Variants in NCOR1 observed in about 807,000 individuals in gnomAD.
NCOR1 encodes protein phosphatase 1, regulatory subunit 109.
A neutral mutation model predicts 288.1 loss-of-function variants in NCOR1; 63 were observed. That is an observed-to-expected ratio of 0.22 (90% CI 0.18 to 0.27). The LOEUF (loss-of-function observed/expected upper bound fraction) is 0.27. Ranked by LOEUF, NCOR1 falls within the 10% of genes least tolerant of loss-of-function variation. NCOR1 has a pLI of 1.00. For synonymous variants in NCOR1, 1,007 were observed against 1,065.9 expected (o/e 0.94, Z 1.08); for missense variants, 2,397 against 3,019.2 (o/e 0.79, Z 4.83).
intron 6 of NCOR1, among the ~76,000 whole-genome samples, chr17:16,156,627 C>CA (rs1293616256): frequency 6.6e-6 from 1 of 151,920 alleles, no homozygotes; most frequent in Non-Finnish European, 1.5e-5. Flanking sequence ...TGTAGGAAGG[C>CA]AAGTTTAACA....
chr17:16,039,404 G>A (rs1006978097), intron 44 of NCOR1, 29 bp downstream of exon 44: 3 of 1,599,504 alleles, frequency 1.9e-6, no homozygotes, highest in Non-Finnish European at 2.6e-6. Flanking sequence ...GGGAAAAGCA[G>A]CAGAAAAGCA....
intron 3 of NCOR1, among the ~76,000 whole-genome samples, chr17:16,185,178 A>G (rs1166248647): frequency 6.6e-6 from 1 of 152,178 alleles, no homozygotes; most frequent in African/African-American, 2.4e-5. Context: ...CATGAGGACT[A>G]CAGATAATAA....
intron 3 of NCOR1, among the ~76,000 whole-genome samples, chr17:16,182,904 T>C (rs1600115061): frequency 6.6e-6 from 1 of 151,458 alleles, no homozygotes; most frequent in Non-Finnish European, 1.5e-5. Flanking sequence ...TTCCTACTGG[T>C]AAAAAGAAGA....
At chr17:16,202,223 CAAA>C (rs35812448) in intron 1 of NCOR1, among the ~76,000 whole-genome samples, 1 of 97,414 alleles carries the variant, frequency 1.0e-5, no homozygotes, top group African/African-American at 4.3e-5. Context: ...GACTCCATCT[CAAA>C]AAAAAAAAAA....
intron 10 of NCOR1, among the ~76,000 whole-genome samples, chr17:16,145,247 T>G (rs1267618207): frequency 6.6e-6 from 1 of 152,214 alleles, no homozygotes; most frequent in Non-Finnish European, 1.5e-5. Flanking sequence ...CTAGGCTTGC[T>G]ACAACCTCCA....
intron 2 of NCOR1, among the ~76,000 whole-genome samples, chr17:16,193,218 C>T (rs912529609): frequency 1.3e-4 from 20 of 152,106 alleles, no homozygotes; most frequent in African/African-American, 4.6e-4. Flanking sequence ...TATATATAAA[C>T]TAAACTGCAA....
Position 16,029,439 on chromosome 17 carries a change from T to C in NCOR1, c.*2857A>G. 1 of 284,912 alleles carries C rather than the reference T, an allele frequency of 3.5e-6. No individual in the cohort carries two copies. The highest frequency in any genetic ancestry group is 7.0e-6 in the Non-Finnish European group (1 of 143,720). 17.6% of individuals were successfully genotyped at this position (284,912 alleles called of 1,614,324 possible). A position where few individuals can be genotyped will look rare whatever the true frequency, so the allele number is the denominator to read the frequency against. Reference sequence around the variant, plus strand: ...CTGGAGTTTTCTGGGCATAAATATTTTTAAAATAGAATCACTCAGTGTACC... The same window carrying C: ...CTGGAGTTTTCTGGGCATAAATATTCTTAAAATAGAATCACTCAGTGTACC... On this transcript the variant is annotated 3_prime_UTR_variant, in exon 46 of 46. Transcript: ENST00000268712.
chr17:16,167,313 C>T (rs1346254335), intron 4 of NCOR1, among the ~76,000 whole-genome samples: 1 of 151,874 alleles, frequency 6.6e-6, no homozygotes, highest in East Asian at 1.9e-4. Flanking sequence ...ATGAACCTTA[C>T]AATCTTGGCT....
chr17:16,070,277 G>C lies in NCOR1; in HGVS notation c.4401C>G (p.Pro1467=). 6.2e-7 allele frequency: 1 copy of C among 1,614,102 alleles called. No individual in the cohort carries two copies. Among genetic ancestry groups the C allele is most frequent in the East Asian group, 2.2e-5 (1 of 44,874 alleles). ...AAATCCCAGGGCTCAGTTGTGCTTT[G>C]GGAGCTTCATGCAGTGTGGACCTAA... ...SVLRSTLHEA[P]KAQLSPGIYD... The change falls in exon 31 of 46, where the codon CCC becomes CCG. Residue 1467 remains proline, a synonymous_variant. Transcript: ENST00000268712.
chr17:16,158,737 T>G (rs1169879347), intron 6 of NCOR1, 23 bp downstream of exon 6: 1 of 1,513,620 alleles, frequency 6.6e-7, no homozygotes, highest in South Asian at 1.1e-5. Context: ...AGGCCTGTGC[T>G]GCCAGAGATG....
intron 18 of NCOR1, among the ~76,000 whole-genome samples, chr17:16,112,124 G>A (rs182668936): frequency 7.2e-5 from 11 of 152,128 alleles, no homozygotes; most frequent in East Asian, 1.9e-4. Flanking sequence ...CCACCTTGAC[G>A]TCCCAAAGTG....
chr17:16,043,485 A>G (rs1432488585), intron 42 of NCOR1, among the ~76,000 whole-genome samples: 1 of 152,250 alleles, frequency 6.6e-6, no homozygotes, highest in East Asian at 1.9e-4. Flanking sequence ...AAAGTTAGGT[A>G]CTTGTTTCAT....
intron 44 of NCOR1, among the ~76,000 whole-genome samples, chr17:16,037,555 A>G (rs2056672943): frequency 6.6e-6 from 1 of 152,242 alleles, no homozygotes; most frequent in African/African-American, 2.4e-5. Context: ...CTGGGACATC[A>G]AGCCTTCTTT....
At chr17:16,122,504 T>C (rs778595224) in intron 15 of NCOR1, 1 of 152,234 alleles carries the variant, frequency 6.6e-6, no homozygotes, top group African/African-American at 2.4e-5. Flanking sequence ...CCCGCAAGTC[T>C]TTCTGTTACA....
chr17:16,175,563 G>C (rs1030088271), intron 3 of NCOR1, among the ~76,000 whole-genome samples: 1 of 152,214 alleles, frequency 6.6e-6, no homozygotes, highest in South Asian at 2.1e-4. Context: ...TGCTAAAAGA[G>C]AATATTCCAT....
rs2076243561 is a variant in NCOR1, at chr17:16,135,322, G to A, written c.1509+1989C>T. 3.3e-5 allele frequency among the ~76,000 whole-genome samples: 5 copies of A among 152,134 alleles called. 1 individual carries two copies. In the South Asian group the frequency reaches 1.0e-3, roughly 32 times the overall value. The stretch of plus-strand genomic sequence containing the variant: ...ATATTCTTCTCTCTGGTGGAATAGT[G>A]CTTCCTATTTCACTGTCAACACTCA... On this transcript the variant is annotated intron_variant, in intron 14 of 45. Coordinates refer to ENST00000268712, the MANE Select transcript of NCOR1 (RefSeq NM_006311.4).
chr17:16,087,325 G>A (rs1457061908), intron 22 of NCOR1: 2 of 1,303,880 alleles, frequency 1.5e-6, no homozygotes, highest in South Asian at 1.2e-5. Context: ...TCAGCATAAG[G>A]CATATAGGCG....
intron 10 of NCOR1, among the ~76,000 whole-genome samples, chr17:16,144,559 C>G (rs1486036061): frequency 6.6e-6 from 1 of 152,072 alleles, no homozygotes; most frequent in Non-Finnish European, 1.5e-5. Context: ...AACCTAGTAC[C>G]CACTAGCTAT....
At position 16,064,118 on chromosome 17, in the gene NCOR1, C is replaced by CGCTCCT; in HGVS notation, c.5165_5170dup (p.Glu1723_Arg1724insGlnGlu). ...AGCTGCAGCAATCCGTTCCCGCTCC[C>CGCTCCT]GCTCCTTCTCCCGCTCCCGTTCCCG... On this transcript the variant is annotated inframe_insertion, in exon 35 of 46. Transcript: ENST00000268712. 6.2e-7 allele frequency: 1 copy of CGCTCCT among 1,614,090 alleles called. No individual in the cohort carries two copies. Among genetic ancestry groups the CGCTCCT allele is most frequent in the Non-Finnish European group, 8.5e-7 (1 of 1,180,010 alleles).
Sources: allele counts gnomAD v4.1 joint callset (sites outside exome capture counted in the v4.1 genomes callset), GRCh38; gene constraint gnomAD v4.1.1; transcripts MANE v1.5; gene names NCBI Gene and HGNC (gene_info 2026-07-23, HGNC 2026-07-21).